The following PXDN variants were observed in gnomAD, a reference collection of about 807,000 sequenced individuals.
The protein encoded by PXDN is peroxidasin homolog.
A neutral mutation model predicts 140.3 loss-of-function variants in PXDN; 77 were observed. The observed-to-expected ratio is 0.55, with a 90% CI of 0.46 to 0.66. The LOEUF is 0.66. PXDN is among the 30% of genes least tolerant of loss of function. PXDN has a pLI of 0.00. For synonymous variants in PXDN, 911 were observed against 857.4 expected, an observed-to-expected ratio of 1.06 and a Z score of -1.09; for missense variants, 1,838 against 2,039.5, an observed-to-expected ratio of 0.90 and a Z score of 1.90.
intron 14 of PXDN, among the ~76,000 whole-genome samples, chr2:1,655,595 G>T (rs1410239349): frequency 4.7e-5 from 7 of 149,642 alleles, no homozygotes; most frequent in African/African-American, 1.7e-4. Context: ...GTCCCCTCCT[G>T]ACAGGGACCT....
intron 1 of PXDN, among the ~76,000 whole-genome samples, chr2:1,716,734 T>C (rs1241523416): frequency 2.6e-5 from 4 of 152,214 alleles, no homozygotes; most frequent in African/African-American, 9.6e-5. Context: ...GTGGTACCTC[T>C]CACGCCCTCC....
intron 8 of PXDN, chr2:1,676,697 T>C: frequency 1.8e-6 from 1 of 571,388 alleles, no homozygotes; most frequent in Admixed American, 2.9e-5. Context: ...AGGGCACCCC[T>C]GTGCTGCCCA....
chr2:1,681,610 T>A (rs1423688128), intron 6 of PXDN, among the ~76,000 whole-genome samples: 1 of 152,024 alleles, frequency 6.6e-6, no homozygotes, highest in Non-Finnish European at 1.5e-5. Flanking sequence ...CTCCCAGACA[T>A]GAGCCCAGAG....
At chr2:1,678,853 G>T (rs536986401) in intron 7 of PXDN, among the ~76,000 whole-genome samples, 2 of 152,318 alleles carry the variant, frequency 1.3e-5, no homozygotes, top group South Asian at 4.1e-4. Flanking sequence ...AGCGCAGGCA[G>T]GCGGCTGCAC....
intron 1 of PXDN, among the ~76,000 whole-genome samples, chr2:1,741,440 T>C (rs1685542682): frequency 6.6e-6 from 1 of 152,136 alleles, no homozygotes; most frequent in Non-Finnish European, 1.5e-5. Context: ...CGCGGGCTCC[T>C]GCCATTCCAG....
rs1572114183 is a variant in PXDN at position 1,639,388 on chromosome 2, G to C, written c.3987C>G (p.Ser1329=). Residue 1329 remains serine (S), a synonymous_variant, in exon 20 of 23, where the codon TCC becomes TCG. Coordinates refer to ENST00000252804, the MANE Select transcript of PXDN (RefSeq NM_012293.3). This position sits in a 1 kb window ranked among gnomAD's most constrained non-coding sequence, Gnocchi z 5.0. ...GAGACCGTCTGCCTCGGAAATGATA[G>C]GAAAAGGCATTGAACTGCCCCCTGG... ...CRTRGQFNAF[S]YHFRGRRSLE... is the part of the protein sequence containing the mutation. The C allele has an allele frequency of 1.9e-6, 3 of 1,614,006 alleles. No homozygotes were observed. The highest frequency in any genetic ancestry group is 2.5e-6 in the Non-Finnish European group (3 of 1,179,874).
At position 1,640,028 on chromosome 2, in the gene PXDN, TC is replaced by T. The variant is rs1220339055; in HGVS notation, c.3953-607del. Among the ~76,000 whole-genome samples the T allele has an allele frequency of 3.5e-3, 530 of 150,812 alleles. 3 individuals carry two copies. The highest frequency in any genetic ancestry group is 0.012 in the African/African-American group (488 of 41,050). On this transcript the variant is annotated intron_variant, in intron 19 of 22. Transcript: ENST00000252804. ...TGAGTGAGGGGCCCTCAGTGCCGTGTCCCTCCTGGTCCCCGGGTGAGTGAGG... is the reference window on the plus strand; with the variant it reads ...TGAGTGAGGGGCCCTCAGTGCCGTGTCCTCCTGGTCCCCGGGTGAGTGAGG...
chr2:1,740,411 G>A (rs1374463839), intron 1 of PXDN, among the ~76,000 whole-genome samples: 1 of 152,094 alleles, frequency 6.6e-6, no homozygotes, highest in Non-Finnish European at 1.5e-5. Context: ...CTAGACACAG[G>A]AAGTCAGTTA....
chr2:1,740,894 T>C (rs1177871245), intron 1 of PXDN, among the ~76,000 whole-genome samples: 1 of 152,192 alleles, frequency 6.6e-6, no homozygotes, highest in East Asian at 1.9e-4. Context: ...TGCGCCTGCC[T>C]GTGGTTTCTC....
At chr2:1,724,551 T>C (rs745799666) in intron 1 of PXDN, among the ~76,000 whole-genome samples, 3 of 152,128 alleles carry the variant, frequency 2.0e-5, no homozygotes, top group Non-Finnish European at 4.4e-5. Flanking sequence ...TTGATCATCA[T>C]GGTGGTTTTG....
chr2:1,732,185 C>G (rs1398016826), intron 1 of PXDN, among the ~76,000 whole-genome samples: 5 of 152,140 alleles, frequency 3.3e-5, no homozygotes, highest in Non-Finnish European at 7.3e-5. Flanking sequence ...ATGTAGCCAG[C>G]AGAAAACGGC....
chr2:1,634,779 G>A (rs1336667779), intron 22 of PXDN, among the ~76,000 whole-genome samples: 2 of 152,222 alleles, frequency 1.3e-5, no homozygotes, highest in Non-Finnish European at 2.9e-5. Context: ...CAGGGACACT[G>A]ATGCGCGTCC....
At chr2:1,655,219 CCACA>C (rs532217717) in intron 14 of PXDN, among the ~76,000 whole-genome samples, 169 of 150,942 alleles carry the variant, frequency 1.1e-3, no homozygotes, top group African/African-American at 3.7e-3. Context: ...GAAACACATA[CCACA>C]CACAATCACA....
At chr2:1,658,414 G>A (rs901016229) in intron 14 of PXDN, among the ~76,000 whole-genome samples, 7 of 151,904 alleles carry the variant, frequency 4.6e-5, no homozygotes, top group Non-Finnish European at 8.8e-5. Flanking sequence ...CACTGACAGA[G>A]CCCAGCAGTC....
At position 1,640,446 on chromosome 2, in the gene PXDN, C is replaced by A. The variant is rs184466578; in HGVS notation, c.3953-1024G>T. On this transcript the variant is annotated intron_variant, in intron 19 of 22. Transcript: ENST00000252804. ...CCTGTCTCCCTTGAAGGGCGGCCGGCTCCTTCTGGTCTAGCATTTGTCTGA... is the reference window on the plus strand; with the variant it reads ...CCTGTCTCCCTTGAAGGGCGGCCGGATCCTTCTGGTCTAGCATTTGTCTGA... Among the ~76,000 whole-genome samples, 194 of 152,310 alleles carry A rather than the reference C, an allele frequency of 1.3e-3. 2 individuals carry two copies. The highest frequency in any genetic ancestry group is 4.5e-3 in the African/African-American group (186 of 41,568).
chr2:1,635,691 G>A (rs570614493), intron 21 of PXDN, 170 bp from the exon 22 acceptor site: 20 of 644,516 alleles, frequency 3.1e-5, no homozygotes, highest in South Asian at 1.2e-4. Flanking sequence ...TTAGACTGGC[G>A]GCAGCTGACC....
At chr2:1,705,053 G>T (rs1234033443) in intron 1 of PXDN, among the ~76,000 whole-genome samples, 2 of 152,168 alleles carry the variant, frequency 1.3e-5, no homozygotes, top group African/African-American at 2.4e-5. Flanking sequence ...CAGAAAAAAA[G>T]ACAACAGTAC....
chr2:1,636,934 A>T (rs1486935134), intron 21 of PXDN: 3 of 152,206 alleles, frequency 2.0e-5, no homozygotes, highest in African/African-American at 7.2e-5. Context: ...GGAAATGACC[A>T]CAGACGGCAC....
At chr2:1,720,069 T>G (rs1330782395) in intron 1 of PXDN, among the ~76,000 whole-genome samples, 3 of 7,598 alleles carry the variant, frequency 3.9e-4, no homozygotes, top group Non-Finnish European at 5.1e-4. Context: ...GAGGGAGGGA[T>G]GCAGAGAGAG....
Sources: allele counts gnomAD v4.1 joint callset (sites outside exome capture counted in the v4.1 genomes callset), GRCh38; gene constraint gnomAD v4.1.1; non-coding constraint Gnocchi (gnomAD v3.1); transcripts MANE v1.5; gene names NCBI Gene and HGNC (gene_info 2026-07-23, HGNC 2026-07-21).